SLC24A2: variants seen among roughly 807,000 people sequenced by gnomAD.
The protein encoded by SLC24A2 is sodium/potassium/calcium exchanger 2.
In SLC24A2, 36 loss-of-function variants were observed where a neutral mutation model predicts 62.0. That is an observed-to-expected ratio of 0.58 (90% confidence interval 0.44 to 0.77). The LOEUF is 0.77. Among genes scored for constraint, SLC24A2 ranks in the 30% least tolerant of loss-of-function variants. The probability of loss-of-function intolerance (pLI) is 0.00; values close to 1 mark genes in which losing one functional copy is unlikely to be tolerated. For synonymous variants in SLC24A2, 358 were observed against 294.0 expected (o/e 1.22, Z -2.23); for missense variants, 846 against 817.9 (o/e 1.03, Z -0.42).
At chr9:20,252,150 A>G in the SLC24A2 span, among the ~76,000 whole-genome samples, 41 of 152,354 alleles carry the variant, frequency 2.7e-4, no homozygotes, top group African/African-American at 9.9e-4. Context: ...GAATGAAAGT[A>G]GACTGCTATG....
At chr9:20,292,247 A>G in the SLC24A2 span, among the ~76,000 whole-genome samples, 32,387 of 152,184 alleles carry the variant, frequency 0.21, 4,547 homozygotes, top group African/African-American at 0.39. Flanking sequence ...AATGGGAATA[A>G]CAGAAATGAA....
rs991146846 is a variant in SLC24A2, at chr9:19,698,611, C to T, written c.931-76312G>A. 3.3e-5 allele frequency among the ~76,000 whole-genome samples: 5 copies of T among 152,164 alleles called. No individual in the cohort carries two copies. In the East Asian group the frequency reaches 7.7e-4, roughly 23 times the overall value. On this transcript the variant is annotated intron_variant, in intron 2 of 10. Transcript: ENST00000341998. ...ATGACTTCAGTCATTCATTTGTTCG[C>T]TCCTTTTAGAGACTTCCTATGTGCC...
intron 5 of SLC24A2, among the ~76,000 whole-genome samples, chr9:19,588,260 A>G (rs1008276776): frequency 3.4e-5 from 5 of 148,902 alleles, no homozygotes; most frequent in Non-Finnish European, 7.4e-5. Flanking sequence ...CTGGTTATGA[A>G]AGTTTGAACT....
At chr9:19,670,498 T>G (rs1819383053) in intron 2 of SLC24A2, among the ~76,000 whole-genome samples, 1 of 152,328 alleles carries the variant, frequency 6.6e-6, no homozygotes, top group East Asian at 1.9e-4. Context: ...TGGCTACCAT[T>G]ACAAAGTGCC....
At chr9:20,197,997 T>C in the SLC24A2 span, among the ~76,000 whole-genome samples, 4 of 152,304 alleles carry the variant, frequency 2.6e-5, no homozygotes, top group East Asian at 3.9e-4. Flanking sequence ...ATGCTGAAGA[T>C]TTCCCTTCCC....
chr9:19,707,286 T>G (rs1223069150), intron 2 of SLC24A2, among the ~76,000 whole-genome samples: 1 of 152,044 alleles, frequency 6.6e-6, no homozygotes, highest in Non-Finnish European at 1.5e-5. Context: ...CCAAAAAAAG[T>G]CCAGGACCAG....
In SLC24A2 at chr9:19,509,952, C is replaced by G. The variant is rs1457073756; in HGVS notation, c.*6201G>C. The G allele has an allele frequency of 2.0e-5, 3 of 152,144 alleles. No homozygotes were observed. The highest frequency in any genetic ancestry group is 2.1e-4 in the South Asian group (1 of 4,824). 9.4% of individuals were successfully genotyped at this position (152,144 alleles called of 1,614,324 possible). A position where few individuals can be genotyped will look rare whatever the true frequency, so the allele number is the denominator to read the frequency against. On this transcript the variant is annotated 3_prime_UTR_variant, in exon 11 of 11. Coordinates refer to ENST00000341998, the MANE Select transcript of SLC24A2 (RefSeq NM_020344.4). ...AACCTACCACACAAAAGGATATAAA[C>G]ACACTGCAGTACTGGTTAATAAGTG... is the stretch of plus-strand genomic sequence containing the variant.
At chr9:20,204,709 A>G in the SLC24A2 span, among the ~76,000 whole-genome samples, 7 of 151,992 alleles carry the variant, frequency 4.6e-5, no homozygotes, top group African/African-American at 1.7e-4. Flanking sequence ...ATTTCACTTA[A>G]GAATACACTT....
the SLC24A2 span, among the ~76,000 whole-genome samples, chr9:19,821,135 T>C: frequency 6.6e-6 from 1 of 152,084 alleles, no homozygotes; most frequent in East Asian, 1.9e-4. Flanking sequence ...CCAATTTAAC[T>C]GCCTACACTT....
At chr9:20,228,747 T>C in the SLC24A2 span, among the ~76,000 whole-genome samples, 2 of 152,276 alleles carry the variant, frequency 1.3e-5, no homozygotes, top group East Asian at 3.9e-4. Context: ...AGCCTGTGCC[T>C]TCCTAATCCA....
Position 19,786,906 on chromosome 9 carries a change from G to T in SLC24A2, c.-40C>A. On this transcript the variant is annotated 5_prime_UTR_variant, in exon 2 of 11. Transcript: ENST00000341998. The surrounding 1 kb of genome is among the most constrained non-coding windows in gnomAD (Gnocchi z 5.0). ...TGGATATGGTGATCTTCCAACTTTAGACTCAACCAGATGGTTCTTTCATAC... is the reference window on the plus strand; with the variant it reads ...TGGATATGGTGATCTTCCAACTTTATACTCAACCAGATGGTTCTTTCATAC... The T allele has an allele frequency of 6.3e-7, 1 of 1,599,988 alleles. No individual in the cohort carries two copies. The highest frequency in any genetic ancestry group is 1.1e-5 in the South Asian group (1 of 90,598).
chr9:19,665,371 G>T (rs1031404851), intron 2 of SLC24A2, among the ~76,000 whole-genome samples: 1 of 152,126 alleles, frequency 6.6e-6, no homozygotes, highest in African/African-American at 2.4e-5. Context: ...TGGGGGCGAG[G>T]GTGAGGGGCT....
At chr9:20,172,292 G>T in the SLC24A2 span, among the ~76,000 whole-genome samples, 1 of 151,934 alleles carries the variant, frequency 6.6e-6, no homozygotes, top group African/African-American at 2.4e-5. Context: ...CCAGGAACTA[G>T]AGAAACAAGA....
At chr9:20,293,969 C>T in the SLC24A2 span, among the ~76,000 whole-genome samples, 1 of 152,138 alleles carries the variant, frequency 6.6e-6, no homozygotes, top group Non-Finnish European at 1.5e-5. Context: ...GAGGCCCTGA[C>T]TCCCATTCCG....
chr9:19,805,798 T>A, the SLC24A2 span, among the ~76,000 whole-genome samples: 1 of 149,986 alleles, frequency 6.7e-6, no homozygotes, highest in African/African-American at 2.5e-5. Flanking sequence ...TGGTTTTGTG[T>A]GGCCTAAAGC....
intron 8 of SLC24A2, among the ~76,000 whole-genome samples, chr9:19,531,636 A>C (rs895599230): frequency 2.0e-5 from 3 of 152,132 alleles, no homozygotes; most frequent in African/African-American, 7.2e-5. Context: ...TAAATTCAAC[A>C]AATATTCACT....
the SLC24A2 span, among the ~76,000 whole-genome samples, chr9:19,855,801 C>A: frequency 6.6e-6 from 1 of 152,246 alleles, no homozygotes; most frequent in Non-Finnish European, 1.5e-5. Context: ...TACCAGGATT[C>A]TCTGGAATTC....
At chr9:19,761,536 G>T (rs574183845) in intron 2 of SLC24A2, among the ~76,000 whole-genome samples, 1 of 151,640 alleles carries the variant, frequency 6.6e-6, no homozygotes, top group Non-Finnish European at 1.5e-5. Context: ...CAACGTGCAG[G>T]TTTGTTACGT....
At chr9:20,078,271 A>G in the SLC24A2 span, among the ~76,000 whole-genome samples, 6 of 152,074 alleles carry the variant, frequency 3.9e-5, 1 homozygote, top group Non-Finnish European at 8.8e-5. Context: ...TTCTGTTGCT[A>G]TTAAAGGACT....
Sources: gnomAD v4.1 joint callset for allele counts (sites outside exome capture counted in the v4.1 genomes callset) on GRCh38, gnomAD v4.1.1 for gene constraint, Gnocchi (gnomAD v3.1) non-coding constraint, MANE v1.5 for transcripts, NCBI Gene and HGNC (gene_info 2026-07-23, HGNC 2026-07-21) for gene names.